Variants in KIAA1217 observed in about 807,000 individuals in gnomAD.
The protein encoded by KIAA1217 is sickle tail protein homolog.
KIAA1217 carries 88 observed loss-of-function variants against 163.9 expected under a neutral mutation model. The observed-to-expected ratio is 0.54, with a 90% CI of 0.45 to 0.64. The LOEUF is 0.64. Ranked by LOEUF, KIAA1217 falls within the 30% of genes least tolerant of loss-of-function variation. The pLI, the probability that KIAA1217 is intolerant of heterozygous loss-of-function variation, is 0.00. For synonymous variants in KIAA1217, 903 were observed against 923.1 expected (o/e 0.98, Z 0.39); for missense variants, 2,372 against 2,475.0 (o/e 0.96, Z 0.88).
chr10:24,028,113 T>C (rs1466687811), intron 2 of KIAA1217, among the ~76,000 whole-genome samples: 2 of 151,934 alleles, frequency 1.3e-5, no homozygotes, highest in Admixed American at 6.6e-5. Context: ...ACAGCAAACA[T>C]AGAGATGGAC....
intron 1 of KIAA1217, among the ~76,000 whole-genome samples, chr10:23,806,891 T>A (rs1331744530): frequency 6.6e-6 from 1 of 152,236 alleles, no homozygotes; most frequent in African/African-American, 2.4e-5. Flanking sequence ...CTTTCAGTTC[T>A]CTGTTGTCCC....
intron 2 of KIAA1217, among the ~76,000 whole-genome samples, chr10:24,041,571 A>T (rs1848635049): frequency 6.6e-6 from 1 of 152,122 alleles, no homozygotes; most frequent in Non-Finnish European, 1.5e-5. Flanking sequence ...CATCACACAG[A>T]CACACAATTG....
At chr10:24,309,804 G>A (rs919006066) in intron 2 of KIAA1217, among the ~76,000 whole-genome samples, 1 of 152,074 alleles carries the variant, frequency 6.6e-6, no homozygotes, top group Non-Finnish European at 1.5e-5. Flanking sequence ...CCCAGCACAG[G>A]GTGGCTCTTC....
At chr10:24,374,966 G>A (rs1263544621) in intron 2 of KIAA1217, among the ~76,000 whole-genome samples, 1 of 151,988 alleles carries the variant, frequency 6.6e-6, no homozygotes, top group Admixed American at 6.6e-5. Context: ...TTAATTTTTT[G>A]TAGAGACAGA....
chr10:23,739,940 T>C (rs9731042), intron 1 of KIAA1217, among the ~76,000 whole-genome samples: 34,750 of 151,910 alleles, frequency 0.23, 4,293 homozygotes, highest in African/African-American at 0.32. Flanking sequence ...GAGTTACGGA[T>C]AAGTCCAAGG....
At chr10:24,121,565 T>C (rs938127827) in intron 2 of KIAA1217, among the ~76,000 whole-genome samples, 1 of 152,180 alleles carries the variant, frequency 6.6e-6, no homozygotes, top group Admixed American at 6.6e-5. Flanking sequence ...AGGAGGGAGA[T>C]GTCAAATTTT....
chr10:24,357,437 G>A (rs1446458285), intron 2 of KIAA1217, among the ~76,000 whole-genome samples: 1 of 152,062 alleles, frequency 6.6e-6, no homozygotes, highest in Non-Finnish European at 1.5e-5. Context: ...AGCTTGAGAA[G>A]GCCACTCCTA....
At chr10:24,128,898 C>T (rs1359705331) in intron 2 of KIAA1217, among the ~76,000 whole-genome samples, 2 of 152,352 alleles carry the variant, frequency 1.3e-5, no homozygotes, top group South Asian at 2.1e-4. Context: ...CCTAAGCTCT[C>T]GTAGCCAAGG....
intron 2 of KIAA1217, among the ~76,000 whole-genome samples, chr10:24,008,704 G>C (rs573350698): frequency 1.3e-5 from 2 of 152,138 alleles, no homozygotes; most frequent in East Asian, 1.9e-4. Context: ...ATTTTCTGCT[G>C]TCTCTATAAA....
intron 2 of KIAA1217, among the ~76,000 whole-genome samples, chr10:24,011,234 C>T (rs938561397): frequency 6.6e-6 from 1 of 152,066 alleles, no homozygotes; most frequent in Non-Finnish European, 1.5e-5. Context: ...ACCTATAGTC[C>T]CAACATTTTG....
At chr10:24,464,532 G>A (rs551538915) in intron 5 of KIAA1217, among the ~76,000 whole-genome samples, 1 of 152,224 alleles carries the variant, frequency 6.6e-6, no homozygotes, top group South Asian at 2.1e-4. Flanking sequence ...CACCCAGGCT[G>A]GAGCGCAATG....
At chr10:23,872,914 C>A (rs1285687702) in intron 1 of KIAA1217, among the ~76,000 whole-genome samples, 1 of 151,918 alleles carries the variant, frequency 6.6e-6, no homozygotes, top group Non-Finnish European at 1.5e-5. Context: ...GGCAGCTCAC[C>A]CATTTAGAGG....
intron 1 of KIAA1217, among the ~76,000 whole-genome samples, chr10:23,831,907 A>G (rs1838220757): frequency 6.6e-6 from 1 of 152,196 alleles, no homozygotes; most frequent in Non-Finnish European, 1.5e-5. Flanking sequence ...CTCTATTGAG[A>G]GATAGGAAAA....
chr10:24,091,288 A>G (rs1199775283), intron 2 of KIAA1217, among the ~76,000 whole-genome samples: 2 of 151,890 alleles, frequency 1.3e-5, no homozygotes, highest in African/African-American at 4.9e-5. Context: ...TTCTTAAACA[A>G]TGCACCCAGC....
At chr10:24,118,654 T>G (rs2063158233) in intron 2 of KIAA1217, among the ~76,000 whole-genome samples, 1 of 151,312 alleles carries the variant, frequency 6.6e-6, no homozygotes, top group Admixed American at 6.6e-5. Context: ...TGAATTAGAG[T>G]CTAGCTTTGG....
intron 2 of KIAA1217, among the ~76,000 whole-genome samples, chr10:24,179,664 C>T (rs912953525): frequency 1.9e-4 from 29 of 152,160 alleles, no homozygotes; most frequent in African/African-American, 7.0e-4. Context: ...TCTCAGCTCA[C>T]TGCAACTTCC....
At chr10:23,888,944 CAAG>C (rs1311072546) in intron 1 of KIAA1217, among the ~76,000 whole-genome samples, 1 of 151,870 alleles carries the variant, frequency 6.6e-6, no homozygotes, top group African/African-American at 2.4e-5. Context: ...TGGAATCATT[CAAG>C]ACATATTGGT....
intron 1 of KIAA1217, among the ~76,000 whole-genome samples, chr10:23,919,499 G>A (rs1002078335): frequency 4.6e-5 from 7 of 151,250 alleles, no homozygotes; most frequent in Admixed American, 1.3e-4. Context: ...CCAGCTACTC[G>A]GGAGGCTGCG....
At chr10:23,738,236 T>G (rs2130803959) in intron 1 of KIAA1217, among the ~76,000 whole-genome samples, 1 of 152,312 alleles carries the variant, frequency 6.6e-6, no homozygotes, top group East Asian at 1.9e-4. Context: ...TTCTGCTCAT[T>G]AAGTTTCTCT....
Sources: gnomAD v4.1 joint callset for allele counts (sites outside exome capture counted in the v4.1 genomes callset) on GRCh38, gnomAD v4.1.1 for gene constraint, MANE v1.5 for transcripts, NCBI Gene and HGNC (gene_info 2026-07-23, HGNC 2026-07-21) for gene names.